Variants in ZNF597 observed in about 807,000 individuals in gnomAD.
ZNF597 encodes the protein zinc finger protein 597.
ZNF597 carries 5 observed loss-of-function variants against 7.3 expected under a neutral mutation model. The ratio of observed to expected loss-of-function variants is 0.68; its 90% confidence interval spans 0.36 to 1.44. The LOEUF (loss-of-function observed/expected upper bound fraction) is 1.44. ZNF597 is among the 40% of genes most tolerant of loss of function. ZNF597 has a pLI of 0.04. For missense variants in ZNF597, 585 were observed against 517.9 expected (o/e 1.13, Z -1.26); for synonymous variants, 209 against 185.4 (o/e 1.13, Z -1.04).
chr16:3,440,203 G>A (rs928580505), intron 3 of ZNF597, among the ~76,000 whole-genome samples: 7 of 152,198 alleles, frequency 4.6e-5, no homozygotes, highest in African/African-American at 1.7e-4. Flanking sequence ...CCAGTCTTTA[G>A]CAAATGATAG....
rs2034265701 is a variant in ZNF597, at chr16:3,432,495, G to C, written c.*3929C>G. The C allele has an allele frequency of 6.6e-6, 1 of 152,150 alleles. No individual in the cohort carries two copies. Among genetic ancestry groups the C allele is most frequent in the Non-Finnish European group, 1.5e-5 (1 of 68,032 alleles). The allele number at this position is 152,150 out of a possible 1,614,324, so 9.4% of individuals were successfully genotyped here. On this transcript the variant is annotated 3_prime_UTR_variant, in exon 4 of 4. Transcript: ENST00000301744. The stretch of plus-strand genomic sequence containing the variant: ...CAATAACTTCAGAGCTTGCAAACTA[G>C]AGTGAAGACTGATGAGAATACGTCA...
chr16:3,441,171 G>C (rs1000588466), intron 2 of ZNF597, among the ~76,000 whole-genome samples: 2 of 152,214 alleles, frequency 1.3e-5, no homozygotes, highest in African/African-American at 4.8e-5. Flanking sequence ...TGGACTGTGA[G>C]AATTATTGTC....
In ZNF597 at chr16:3,436,783, T is replaced by G. The variant is rs1293304470; in HGVS notation, c.916A>C (p.Arg306=). ...GAAAGGGCAGGATATAAGGACTGCC[T>G]GAAGCTCTTCATGCACTTAGTGTGC... The part of the protein sequence containing the change: ...YQHTKCMKSF[R]QSLYPALSEK... Residue 306 remains arginine (R), a synonymous_variant, in exon 4 of 4, where the codon AGG becomes CGG. Transcript: ENST00000301744. 1 of 1,613,636 alleles carries G rather than the reference T, an allele frequency of 6.2e-7. No homozygotes were observed. Among genetic ancestry groups the G allele is most frequent in the Non-Finnish European group, 8.5e-7 (1 of 1,180,026 alleles).
intron 2 of ZNF597, among the ~76,000 whole-genome samples, chr16:3,441,239 G>T (rs148213579): frequency 6.6e-6 from 1 of 152,292 alleles, no homozygotes; most frequent in East Asian, 1.9e-4. Context: ...ATTAAGTGAG[G>T]ATGCTCTAAG....
rs2034273091 is a variant in ZNF597, at chr16:3,433,514, C to T, written c.*2910G>A. On this transcript the variant is annotated 3_prime_UTR_variant, in exon 4 of 4. Coordinates refer to ENST00000301744, the MANE Select transcript of ZNF597 (RefSeq NM_152457.3). ...TTAACCAATCATTCATAGCAATAAA[C>T]TCTTGCATTTAGTTTTTCATTCCCA... 2 of 152,214 alleles carry T rather than the reference C, an allele frequency of 1.3e-5. No individual in the cohort carries two copies. The highest frequency in any genetic ancestry group is 1.3e-4 in the Admixed American group (2 of 15,280). 9.4% of individuals were successfully genotyped at this position (152,214 alleles called of 1,614,324 possible).
Position 3,437,147 on chromosome 16 carries a change from A to T in ZNF597, c.552T>A (p.His184Gln). 1 of 1,614,096 alleles carries T rather than the reference A, an allele frequency of 6.2e-7. No homozygotes were observed. Among genetic ancestry groups the T allele is most frequent in the Non-Finnish European group, 8.5e-7 (1 of 1,180,020 alleles). Residue 184 changes from histidine to glutamine, a missense_variant, in exon 4 of 4, where the codon CAT becomes CAA. Physicochemically the swap from His to Gln is conservative, Grantham distance 24. Transcript: ENST00000301744. Reference protein sequence around the residue: ...HQKIHSGEKKHKCGDCGKIFN... With the variant: ...HQKIHSGEKKQKCGDCGKIFN... ...AGATCTTTCCACAGTCACCACATTT[A>T]TGTTTTTTCTCTCCTGAATGAATTT... is the stretch of plus-strand genomic sequence containing the variant.
rs1174539416 is a variant in ZNF597 at position 3,437,153 on chromosome 16, T to C, written c.546A>G (p.Lys182=). 6.2e-7 allele frequency: 1 copy of C among 1,614,232 alleles called. No individual in the cohort carries two copies. The change falls in exon 4 of 4, where the codon AAA becomes AAG. Residue 182 remains lysine (K), a synonymous_variant. Coordinates refer to ENST00000301744, the MANE Select transcript of ZNF597 (RefSeq NM_152457.3). ...VLHQKIHSGE[K]KHKCGDCGKI... ...TTCCACAGTCACCACATTTATGTTT[T>C]TTCTCTCCTGAATGAATTTTCTGAT...
chr16:3,442,951 T>C (rs890855162), intron 2 of ZNF597, among the ~76,000 whole-genome samples, 170 bp downstream of exon 2: 2 of 152,186 alleles, frequency 1.3e-5, no homozygotes, highest in Non-Finnish European at 2.9e-5. Context: ...AGGAAGTTGG[T>C]AAACCATTAT....
intron 3 of ZNF597, among the ~76,000 whole-genome samples, chr16:3,438,424 G>T (rs993852448): frequency 2.0e-5 from 3 of 151,804 alleles, no homozygotes; most frequent in African/African-American, 7.3e-5. Context: ...TTAGCTGGGC[G>T]TGGTGGCCTG....
At position 3,443,121 on chromosome 16, in the gene ZNF597, C is replaced by T; in HGVS notation, c.33G>A (p.Gln11=). 1 of 1,614,118 alleles carries T rather than the reference C, an allele frequency of 6.2e-7. No homozygotes were observed. The highest frequency in any genetic ancestry group is 1.6e-4 in the Middle Eastern group (1 of 6,062). Residue 11 remains glutamine, a splice_region_variant and synonymous_variant, in exon 2 of 4, where the codon CAG becomes CAA. Transcript: ENST00000301744. MASMPPTPEA[Q]GPILFEDLAV... is the part of the protein sequence containing the mutation. ...GGACGAAAAAGGTACCTCGACTCAC[C>T]TGGGCCTCGGGCGTCGGGGGCATGG...
rs374592756 is a variant in ZNF597 at position 3,443,413 on chromosome 16, G to A, written c.-107C>T. On this transcript the variant is annotated 5_prime_UTR_variant, in exon 1 of 4. Transcript: ENST00000301744. ...CTCCCTGACAGGAGCTGCAGAAAGC[G>A]ACGCCCGACCGAGACGCGACGAAGA... 95 of 519,560 alleles carry A rather than the reference G, an allele frequency of 1.8e-4. 2 individuals are homozygous for A. In the South Asian group the frequency reaches 2.5e-3, roughly 14 times the overall value. The allele number at this position is 519,560 out of a possible 1,614,324, so 32.2% of individuals were successfully genotyped here.
chr16:3,437,758 A>T (rs771128034), intron 3 of ZNF597, among the ~76,000 whole-genome samples: 1 of 152,084 alleles, frequency 6.6e-6, no homozygotes, highest in Non-Finnish European at 1.5e-5. Context: ...GAGAATAGCT[A>T]TAACTAAGTC....
At position 3,437,433 on chromosome 16, in the gene ZNF597, T is replaced by G. The variant is rs985737115; in HGVS notation, c.266A>C (p.Tyr89Ser). 6.2e-7 allele frequency: 1 copy of G among 1,614,068 alleles called. No homozygotes were observed. Among genetic ancestry groups the G allele is most frequent in the Non-Finnish European group, 8.5e-7 (1 of 1,180,014 alleles). ...TCCATCCTCAGAGGATTTTTCTGGG[T>G]AAGGGACAAGGGGTGCAGCAATGGG... Reference protein sequence around the residue: ...KYPIAAPLVPYPEKSSEDGVG... With the variant: ...KYPIAAPLVPSPEKSSEDGVG... The change falls in exon 4 of 4, where the codon TAC (tyrosine) becomes TCC (serine). Residue 89 changes from tyrosine to serine, a missense_variant. By Grantham distance (144) the Tyr-to-Ser change is moderately radical. Coordinates refer to ENST00000301744, the MANE Select transcript of ZNF597 (RefSeq NM_152457.3).
chr16:3,440,887 T>A lies in ZNF597; in HGVS notation c.80A>T (p.Glu27Val). 1 of 1,613,986 alleles carries A rather than the reference T, an allele frequency of 6.2e-7. No individual in the cohort carries two copies. The highest frequency in any genetic ancestry group is 8.5e-7 in the Non-Finnish European group (1 of 1,179,924). Residue 27 changes from glutamate (E) to valine (V), a missense_variant, in exon 3 of 4, where the codon GAG becomes GTG. Physicochemically the swap from Glu to Val is moderately radical, Grantham distance 121 (BLOSUM62 -2). Coordinates refer to ENST00000301744, the MANE Select transcript of ZNF597 (RefSeq NM_152457.3). ...CTGGGCAGGGTGCAGAGTCACGCAC[T>A]CCTCTTGAGAAAAATACACAGCCAG... The part of the protein sequence containing the change: ...EDLAVYFSQE[E>V]CVTLHPAQRS...
Position 3,433,129 on chromosome 16 carries a change from T to C in ZNF597, c.*3295A>G, listed in dbSNP as rs1174282012. On this transcript the variant is annotated 3_prime_UTR_variant, in exon 4 of 4. Transcript: ENST00000301744. ...ATTTGAGTTTTAACTCCCTGAATTA[T>C]TGGGTTAGTCATTTTCTATGTTAAA... 3 of 152,202 alleles carry C rather than the reference T, an allele frequency of 2.0e-5. No individual in the cohort carries two copies. The highest frequency in any genetic ancestry group is 1.9e-4 in the East Asian group (1 of 5,200). The allele number at this position is 152,202 out of a possible 1,614,324, so 9.4% of individuals were successfully genotyped here.
rs2034303744 is a variant in ZNF597 at position 3,436,671 on chromosome 16, C to T, written c.1028G>A (p.Cys343Tyr). ...AGGAAAGGTCATGTCACAGTCAGGA[C>T]ACTGTAAGGGCTTGAATTTTGAGAA... ...FSFSKFKPLQ[C>Y]PDCDMTFPCF... is the part of the protein sequence containing the mutation. The change falls in exon 4 of 4, where the codon TGT becomes TAT. Residue 343 changes from cysteine to tyrosine, a missense_variant. Transcript: ENST00000301744. The T allele has an allele frequency of 6.2e-7, 1 of 1,613,106 alleles. No homozygotes were observed. The highest frequency in any genetic ancestry group is 8.5e-7 in the Non-Finnish European group (1 of 1,179,562).
rs368842460 is a variant in ZNF597 at position 3,443,175 on chromosome 16, C to T, written c.-22G>A. 9.8e-5 allele frequency: 157 copies of T among 1,610,026 alleles called. 1 individual carries two copies. The highest frequency in any genetic ancestry group is 3.3e-4 in the Middle Eastern group (2 of 6,062). ...CCATTTGGCGGGTGGGGAATGCCTT[C>T]TTCAAGACGCCACAGGGACTTCGTG... is the stretch of plus-strand genomic sequence containing the variant. On this transcript the variant is annotated 5_prime_UTR_variant, in exon 2 of 4. Transcript: ENST00000301744.
Position 3,437,060 on chromosome 16 carries a change from C to G in ZNF597, c.639G>C (p.Lys213Asn), listed in dbSNP as rs1356835800. 6.2e-7 allele frequency: 1 copy of G among 1,614,204 alleles called. No individual in the cohort carries two copies. The highest frequency in any genetic ancestry group is 1.1e-5 in the South Asian group (1 of 91,084). Residue 213 changes from lysine to asparagine, a missense_variant, in exon 4 of 4, where the codon AAG becomes AAC. Physicochemically the swap from Lys to Asn is moderately conservative, Grantham distance 94. Coordinates refer to ENST00000301744, the MANE Select transcript of ZNF597 (RefSeq NM_152457.3). ...RRIHTGEKPY[K>N]CAKCSASFRQ... Reference sequence around the variant, plus strand: ...GAAAGCTGGCACTGCACTTGGCACACTTATAAGGTTTCTCACCAGTATGGA... The same window carrying G: ...GAAAGCTGGCACTGCACTTGGCACAGTTATAAGGTTTCTCACCAGTATGGA...
In ZNF597 at chr16:3,436,322, T is replaced by G. The variant is rs2034299460; in HGVS notation, c.*102A>C. 4 of 1,094,048 alleles carry G rather than the reference T, an allele frequency of 3.7e-6. No homozygotes were observed. The highest frequency in any genetic ancestry group is 5.2e-6 in the Non-Finnish European group (4 of 772,796). 67.8% of individuals were successfully genotyped at this position (1,094,048 alleles called of 1,614,324 possible). A position where few individuals can be genotyped will look rare whatever the true frequency, so the allele number is the denominator to read the frequency against. ...GAATTAAGTATTACATGGGAATGTGTGTAAAGTGCTTAGCACATTGCCTGG... is the reference window on the plus strand; with the variant it reads ...GAATTAAGTATTACATGGGAATGTGGGTAAAGTGCTTAGCACATTGCCTGG... On this transcript the variant is annotated 3_prime_UTR_variant, in exon 4 of 4. Transcript: ENST00000301744.
Sources: gnomAD v4.1 joint callset for allele counts (sites outside exome capture counted in the v4.1 genomes callset) on GRCh38, gnomAD v4.1.1 for gene constraint, MANE v1.5 for transcripts, NCBI Gene and HGNC (gene_info 2026-07-23, HGNC 2026-07-21) for gene names.